The following SNAP25 variants were observed in gnomAD, a reference collection of about 807,000 sequenced individuals.
The protein encoded by SNAP25 is synaptosome associated protein 25, also known as synaptosomal-associated protein 25.
SNAP25 carries 3 observed loss-of-function variants against 28.7 expected under a neutral mutation model. The observed-to-expected ratio is 0.10, with a 90% CI of 0.05 to 0.27. SNAP25 has a LOEUF of 0.27. Ranked by LOEUF, SNAP25 falls within the 10% of genes least tolerant of loss-of-function variation. The pLI, the probability that SNAP25 is intolerant of heterozygous loss-of-function variation, is 1.00. For missense variants in SNAP25, 117 were observed against 278.7 expected, an observed-to-expected ratio of 0.42 and a Z score of 4.13; for synonymous variants, 61 against 88.1, an observed-to-expected ratio of 0.69 and a Z score of 1.72.
chr20:10,270,165 A>G (rs1357677364), intron 1 of SNAP25, among the ~76,000 whole-genome samples: 4 of 152,034 alleles, frequency 2.6e-5, no homozygotes, highest in African/African-American at 9.7e-5. Context: ...AGGGAGGAGA[A>G]TTGCTTGAAA....
intron 7 of SNAP25, among the ~76,000 whole-genome samples, chr20:10,305,401 G>C (rs1027900595): frequency 2.0e-5 from 3 of 152,124 alleles, no homozygotes; most frequent in Admixed American, 6.6e-5. Context: ...AATTAGCCAG[G>C]CATGGTGGCA....
chr20:10,228,236 C>T (rs1156845689), intron 1 of SNAP25, among the ~76,000 whole-genome samples: 1 of 152,174 alleles, frequency 6.6e-6, no homozygotes. Flanking sequence ...TAACTAACTT[C>T]CTAAATGTCT....
intron 1 of SNAP25, among the ~76,000 whole-genome samples, chr20:10,255,663 T>C (rs767681006): frequency 1.3e-5 from 2 of 152,204 alleles, no homozygotes; most frequent in Non-Finnish European, 2.9e-5. Flanking sequence ...CTACCTTTTC[T>C]GTGATTTAAC....
At chr20:10,285,673 A>G (rs2123070306) in intron 4 of SNAP25, among the ~76,000 whole-genome samples, 1 of 152,310 alleles carries the variant, frequency 6.6e-6, no homozygotes, top group South Asian at 2.1e-4. Context: ...TCTAAGCATA[A>G]ATCTCAAGCT....
At chr20:10,258,691 C>G (rs981707652) in intron 1 of SNAP25, among the ~76,000 whole-genome samples, 29 of 152,194 alleles carry the variant, frequency 1.9e-4, no homozygotes, top group Non-Finnish European at 3.1e-4. Flanking sequence ...AGGGTAGTTA[C>G]AGTCACAGTA....
In SNAP25 at chr20:10,240,918, T is replaced by A. The variant is rs150622638; in HGVS notation, c.-64+21941T>A. On this transcript the variant is annotated intron_variant, in intron 1 of 7. Coordinates refer to ENST00000254976, the MANE Select transcript of SNAP25 (RefSeq NM_130811.4). ...GGGGAGTGATGCGAATGGCTTCAATTGCTCCGTGGAGCCAGCAATCACAGC... is the reference window on the plus strand; with the variant it reads ...GGGGAGTGATGCGAATGGCTTCAATAGCTCCGTGGAGCCAGCAATCACAGC... 4.1e-3 allele frequency among the ~76,000 whole-genome samples: 626 copies of A among 152,266 alleles called. 3 individuals are homozygous for A. Among genetic ancestry groups the A allele is most frequent in the Non-Finnish European group, 4.4e-3 (298 of 68,020 alleles).
In SNAP25 at chr20:10,306,231, C is replaced by A; in HGVS notation, c.*34C>A. The stretch of plus-strand genomic sequence containing the variant: ...ACCCGTGTTCTCCTCCAAATGCTGT[C>A]GGGCAAGATAGCTCCTTCATGCTTT... On this transcript the variant is annotated 3_prime_UTR_variant, in exon 8 of 8. Coordinates refer to ENST00000254976, the MANE Select transcript of SNAP25 (RefSeq NM_130811.4). 6.3e-7 allele frequency: 1 copy of A among 1,599,782 alleles called. No homozygotes were observed. Among genetic ancestry groups the A allele is most frequent in the South Asian group, 1.1e-5 (1 of 90,604 alleles).
chr20:10,276,671 A>G (rs923789541), intron 2 of SNAP25, among the ~76,000 whole-genome samples: 5 of 152,254 alleles, frequency 3.3e-5, no homozygotes, highest in African/African-American at 1.2e-4. Context: ...GGTTAGCTGT[A>G]GACACAAAAG....
At chr20:10,259,895 G>A (rs553437567) in intron 1 of SNAP25, among the ~76,000 whole-genome samples, 9 of 152,240 alleles carry the variant, frequency 5.9e-5, no homozygotes, top group South Asian at 2.1e-4. Context: ...CATACACCTC[G>A]GCTTCCTTCA....
intron 1 of SNAP25, among the ~76,000 whole-genome samples, chr20:10,230,278 G>A (rs2062806017): frequency 6.6e-6 from 1 of 152,050 alleles, no homozygotes; most frequent in Admixed American, 6.6e-5. Context: ...AGGGGTGGAG[G>A]GAATATCATC....
rs71332917 is a variant in SNAP25, at chr20:10,224,257, C to CTTTTTTTTTTTTTTTTTTTT, written c.-64+5296_-64+5315dup. On this transcript the variant is annotated intron_variant, in intron 1 of 7. Transcript: ENST00000254976. ...AATAAGGCATAGAGAATGTACATGT[C>CTTTTTTTTTTTTTTTTTTTT]TTTTTTTTTTTTTTTTTTTTTTTTT... is the stretch of plus-strand genomic sequence containing the variant. Among the ~76,000 whole-genome samples, 9 of 17,432 alleles carry CTTTTTTTTTTTTTTTTTTTT rather than the reference C, an allele frequency of 5.2e-4. 3 individuals are homozygous for CTTTTTTTTTTTTTTTTTTTT. Among genetic ancestry groups the CTTTTTTTTTTTTTTTTTTTT allele is most frequent in the Non-Finnish European group, 8.5e-4 (9 of 10,570 alleles). 11.4% of individuals were successfully genotyped at this position (17,432 alleles called of 152,430 possible).
In SNAP25 at chr20:10,301,683, A is replaced by T. The variant is rs940266937; in HGVS notation, c.552+2271A>T. On this transcript the variant is annotated intron_variant, in intron 7 of 7. Coordinates refer to ENST00000254976, the MANE Select transcript of SNAP25 (RefSeq NM_130811.4). ...ACAGCAACCTTTACCCAGCTCTATCAATCATGATCTTTTCTCATCACTTGG... is the reference window on the plus strand; with the variant it reads ...ACAGCAACCTTTACCCAGCTCTATCTATCATGATCTTTTCTCATCACTTGG... Among the ~76,000 whole-genome samples the T allele has an allele frequency of 7.2e-5, 11 of 152,030 alleles. No individual in the cohort carries two copies. The South Asian group carries it at 1.7e-3, about 23-fold the overall frequency.
At chr20:10,251,951 C>T (rs2063236850) in intron 1 of SNAP25, among the ~76,000 whole-genome samples, 3 of 152,188 alleles carry the variant, frequency 2.0e-5, no homozygotes, top group Admixed American at 2.0e-4. Context: ...TTGTGTTTGA[C>T]AGGTCACTCC....
intron 1 of SNAP25, among the ~76,000 whole-genome samples, chr20:10,232,025 C>G (rs1399454934): frequency 6.6e-6 from 1 of 152,088 alleles, no homozygotes; most frequent in Non-Finnish European, 1.5e-5. Flanking sequence ...GCAGTCAAGC[C>G]ATAGGAAAAG....
chr20:10,243,358 A>G (rs2063068612), intron 1 of SNAP25, among the ~76,000 whole-genome samples: 1 of 152,234 alleles, frequency 6.6e-6, no homozygotes, highest in Non-Finnish European at 1.5e-5. Flanking sequence ...CAACATGAGT[A>G]CATTACTATT....
At chr20:10,238,145 C>A (rs3787300) in intron 1 of SNAP25, among the ~76,000 whole-genome samples, 21,591 of 151,938 alleles carry the variant, frequency 0.14, 2,870 homozygotes, top group African/African-American at 0.36. Flanking sequence ...AACTCATACC[C>A]ACCCACCCAT....
At chr20:10,286,912 G>A (rs1171749247) in intron 4 of SNAP25, among the ~76,000 whole-genome samples, 4 of 152,126 alleles carry the variant, frequency 2.6e-5, no homozygotes, top group Non-Finnish European at 4.4e-5. Flanking sequence ...TTATTATTAC[G>A]TGACTTGTTG....
intron 1 of SNAP25, among the ~76,000 whole-genome samples, chr20:10,234,873 GTAAAATAAAATAACATAAAA>G (rs922595194): frequency 6.6e-6 from 1 of 152,130 alleles, no homozygotes; most frequent in Admixed American, 6.5e-5. Flanking sequence ...TTTTTAATGT[GTAAAATAAAATAACATAAAA>G]TAAAATAAAA....
intron 4 of SNAP25, chr20:10,292,837 C>T (rs376688376): frequency 1.6e-6 from 2 of 1,246,560 alleles, no homozygotes; most frequent in East Asian, 4.7e-5. Flanking sequence ...TGTTGGAGAC[C>T]CCCAAAAAAT....
Sources: gnomAD v4.1 joint callset for allele counts (sites outside exome capture counted in the v4.1 genomes callset) on GRCh38, gnomAD v4.1.1 for gene constraint, MANE v1.5 for transcripts, NCBI Gene and HGNC (gene_info 2026-07-23, HGNC 2026-07-21) for gene names.